CCDC192: variants seen among roughly 807,000 people sequenced by gnomAD.
CCDC192 encodes the protein coiled-coil domain-containing protein 192.
At chr5:127,775,435 C>G (rs181393514) in intron 3 of CCDC192, among the ~76,000 whole-genome samples, 1 of 152,300 alleles carries the variant, frequency 6.6e-6, no homozygotes, top group African/African-American at 2.4e-5. Flanking sequence ...AGGGCTCTTG[C>G]CCATGTTTTC....
intron 6 of CCDC192, among the ~76,000 whole-genome samples, chr5:127,922,209 A>T (rs9327456): frequency 0.092 from 13,968 of 152,066 alleles, 2,107 homozygotes; most frequent in African/African-American, 0.31. Context: ...CTTTCCCTAG[A>T]TTTTTCCATA....
intron 6 of CCDC192, among the ~76,000 whole-genome samples, chr5:127,876,865 A>G (rs1241671318): frequency 6.6e-6 from 1 of 152,192 alleles, no homozygotes; most frequent in African/African-American, 2.4e-5. Flanking sequence ...CAGGATTCAA[A>G]TGCCATGTAA....
At chr5:127,919,523 G>T (rs1428779993) in intron 6 of CCDC192, among the ~76,000 whole-genome samples, 3 of 152,120 alleles carry the variant, frequency 2.0e-5, no homozygotes, top group Non-Finnish European at 4.4e-5. Flanking sequence ...CTCAGTTTCA[G>T]ACCGTAATGG....
chr5:127,740,611 T>G (rs1284292767), intron 2 of CCDC192, among the ~76,000 whole-genome samples: 2 of 152,190 alleles, frequency 1.3e-5, no homozygotes, highest in Admixed American at 1.3e-4. Flanking sequence ...TTTTAAATTT[T>G]TTAAAAAATT....
At chr5:127,733,077 A>T (rs962233107) in intron 2 of CCDC192, among the ~76,000 whole-genome samples, 2 of 152,190 alleles carry the variant, frequency 1.3e-5, no homozygotes, top group Non-Finnish European at 2.9e-5. Flanking sequence ...AATTCTCTTT[A>T]GCTGGCAGGG....
intron 6 of CCDC192, among the ~76,000 whole-genome samples, chr5:127,937,995 C>A (rs1291890180): frequency 6.6e-6 from 1 of 151,952 alleles, no homozygotes; most frequent in African/African-American, 2.4e-5. Context: ...TTCCAATGCA[C>A]CCCCCTCCAC....
chr5:127,748,067 C>G (rs1209429730), intron 2 of CCDC192, among the ~76,000 whole-genome samples: 1 of 121,300 alleles, frequency 8.2e-6, no homozygotes, highest in East Asian at 2.5e-4. Context: ...TGCCTGTTCA[C>G]TCTGATGGTA....
At chr5:127,730,501 A>T (rs1088164) in intron 2 of CCDC192, among the ~76,000 whole-genome samples, 2 of 151,678 alleles carry the variant, frequency 1.3e-5, no homozygotes, top group Non-Finnish European at 2.9e-5. Context: ...AAAAGGAGAG[A>T]CTCCTCCCTA....
intron 6 of CCDC192, among the ~76,000 whole-genome samples, chr5:127,924,781 A>G (rs1473028371): frequency 6.6e-6 from 1 of 152,206 alleles, no homozygotes; most frequent in African/African-American, 2.4e-5. Context: ...AATAGTAGCA[A>G]TAAGAGGCAA....
rs188521391 is a variant in CCDC192, at chr5:127,929,667, A to T, written c.536-11515A>T. On this transcript the variant is annotated intron_variant, in intron 6 of 6. Coordinates refer to ENST00000514853, the MANE Select transcript of CCDC192 (RefSeq NM_001317938.2). ...ATCCTTTATCCCATCTTTCTCAAAA[A>T]TTTTTTTCAGTCATTATCAAAGAAT... is the stretch of plus-strand genomic sequence containing the variant. Among the ~76,000 whole-genome samples the T allele has an allele frequency of 3.4e-3, 525 of 152,190 alleles. 3 individuals are homozygous for T. Among genetic ancestry groups the T allele is most frequent in the African/African-American group, 0.012 (497 of 41,516 alleles).
At chr5:127,782,389 T>A (rs1252049372) in intron 3 of CCDC192, among the ~76,000 whole-genome samples, 1 of 152,170 alleles carries the variant, frequency 6.6e-6, no homozygotes, top group East Asian at 1.9e-4. Flanking sequence ...GTCAATAGGA[T>A]TTGTACCAAT....
rs983547591 is a variant in CCDC192 at position 127,842,963 on chromosome 5, T to G, written c.412-32575T>G. Among the ~76,000 whole-genome samples the G allele has an allele frequency of 1.3e-4, 19 of 151,712 alleles. 1 individual carries two copies. The South Asian group carries it at 3.5e-3, about 28-fold the overall frequency. On this transcript the variant is annotated intron_variant, in intron 5 of 6. Coordinates refer to ENST00000514853, the MANE Select transcript of CCDC192 (RefSeq NM_001317938.2). Reference sequence around the variant, plus strand: ...AAAAGTGCAAGGAATTGGAGTTTCATGGCATCTGTGATAGTGTACACTTTC... The same window carrying G: ...AAAAGTGCAAGGAATTGGAGTTTCAGGGCATCTGTGATAGTGTACACTTTC...
chr5:127,708,446 C>T (rs895474897), intron 2 of CCDC192, among the ~76,000 whole-genome samples: 1 of 152,158 alleles, frequency 6.6e-6, no homozygotes, highest in Admixed American at 6.6e-5. Flanking sequence ...AAAAGAAAAA[C>T]ATTAGCTATC....
intron 5 of CCDC192, among the ~76,000 whole-genome samples, chr5:127,805,075 C>T (rs1443550718): frequency 6.6e-6 from 1 of 152,116 alleles, no homozygotes; most frequent in East Asian, 1.9e-4. Context: ...AACGATCTTC[C>T]TGCCCTCCCT....
At chr5:127,777,754 G>A (rs1284491560) in intron 3 of CCDC192, among the ~76,000 whole-genome samples, 2 of 152,176 alleles carry the variant, frequency 1.3e-5, no homozygotes, top group African/African-American at 2.4e-5. Flanking sequence ...CAAGAGATCT[G>A]ATGGCTTTAT....
intron 1 of CCDC192, among the ~76,000 whole-genome samples, chr5:127,704,838 A>AAAATAAAT (rs57523949): frequency 3.3e-4 from 48 of 144,498 alleles, no homozygotes; most frequent in South Asian, 4.4e-4. Flanking sequence ...AACTCCATCT[A>AAAATAAAT]AAATAAATAA....
intron 6 of CCDC192, among the ~76,000 whole-genome samples, chr5:127,888,087 C>A (rs1752621885): frequency 6.6e-6 from 1 of 151,868 alleles, no homozygotes; most frequent in Non-Finnish European, 1.5e-5. Flanking sequence ...ATTTTTAATA[C>A]CTTATATATG....
At position 127,897,011 on chromosome 5, in the gene CCDC192, G is replaced by A. The variant is rs756992465; in HGVS notation, c.535+21350G>A. ...TGTACCAGAAGTTTTTATAGCTTTCGCTTAAAACTGCAGGTCAACTTTTGT... is the reference window on the plus strand; with the variant it reads ...TGTACCAGAAGTTTTTATAGCTTTCACTTAAAACTGCAGGTCAACTTTTGT... On this transcript the variant is annotated intron_variant, in intron 6 of 6. Transcript: ENST00000514853. Among the ~76,000 whole-genome samples the A allele has an allele frequency of 6.0e-5, 9 of 150,722 alleles. No individual in the cohort carries two copies. In the South Asian group the frequency reaches 1.0e-3, roughly 18 times the overall value.
chr5:127,938,927 G>A (rs960217143), intron 6 of CCDC192, among the ~76,000 whole-genome samples: 1 of 151,580 alleles, frequency 6.6e-6, no homozygotes, highest in Non-Finnish European at 1.5e-5. Context: ...GAAAGCACAG[G>A]CATGAAAGGA....
Sources: allele counts gnomAD v4.1 joint callset (sites outside exome capture counted in the v4.1 genomes callset), GRCh38; gene constraint gnomAD v4.1.1; transcripts MANE v1.5; gene names NCBI Gene and HGNC (gene_info 2026-07-23, HGNC 2026-07-21).